The following KCNJ2 variants were observed in gnomAD, a reference collection of about 807,000 sequenced individuals.
The protein encoded by KCNJ2 is inward rectifier potassium channel 2.
Under a neutral mutation model 28.4 loss-of-function variants are expected in KCNJ2, and 12 were observed. The ratio of observed to expected loss-of-function variants is 0.42; its 90% confidence interval spans 0.27 to 0.68. The LOEUF (loss-of-function observed/expected upper bound fraction) is 0.68, where lower values mean the gene tolerates loss of function less well. Among genes scored for constraint, KCNJ2 ranks in the 30% least tolerant of loss-of-function variants. The pLI is 0.23. For synonymous variants in KCNJ2, 200 were observed against 203.2 expected (o/e 0.98, Z 0.13); for missense variants, 320 against 551.3 (o/e 0.58, Z 4.20).
In KCNJ2 at chr17:70,175,264, G is replaced by T. The variant is rs192172778; in HGVS notation, c.225G>T (p.Thr75=). 4.3e-6 allele frequency: 7 copies of T among 1,614,108 alleles called. No homozygotes were observed. Among genetic ancestry groups the T allele is most frequent in the Non-Finnish European group, 5.1e-6 (6 of 1,180,052 alleles). ...GGTACCTCGCAGACATCTTCACCAC[G>T]TGTGTGGACATTCGCTGGCGGTGGA... ...GQRYLADIFT[T]CVDIRWRWML... is the part of the protein sequence containing the mutation. Residue 75 remains threonine (T), a synonymous_variant, in exon 2 of 2, where the codon ACG becomes ACT. Transcript: ENST00000243457. This position sits in a 1 kb window ranked among gnomAD's most constrained non-coding sequence, Gnocchi z 8.3.
Position 70,176,682 on chromosome 17 carries a change from G to T in KCNJ2, c.*359G>T, listed in dbSNP as rs1017656309. The T allele has an allele frequency of 6.6e-6, 2 of 301,542 alleles. No homozygotes were observed. The highest frequency in any genetic ancestry group is 4.4e-5 in the African/African-American group (2 of 45,918). The allele number at this position is 301,542 out of a possible 1,614,324, so 18.7% of individuals were successfully genotyped here. A position where few individuals can be genotyped will look rare whatever the true frequency, so the allele number is the denominator to read the frequency against. On this transcript the variant is annotated 3_prime_UTR_variant, in exon 2 of 2. Transcript: ENST00000243457. ...GGATGTTTTTAATGGCATAACAAAGGCAAGACTCTGCCTTAATTTTTGAAA... is the reference window on the plus strand; with the variant it reads ...GGATGTTTTTAATGGCATAACAAAGTCAAGACTCTGCCTTAATTTTTGAAA...
At position 70,178,993 on chromosome 17, in the gene KCNJ2, C is replaced by T. The variant is rs1278311754; in HGVS notation, c.*2670C>T. On this transcript the variant is annotated 3_prime_UTR_variant, in exon 2 of 2. Transcript: ENST00000243457. Reference sequence around the variant, plus strand: ...TGCTATGTTCTTCTGTTATTTATTTCAGCATGGACTGTTCATTTGAAACCT... The same window carrying T: ...TGCTATGTTCTTCTGTTATTTATTTTAGCATGGACTGTTCATTTGAAACCT... 4 of 162,820 alleles carry T rather than the reference C, an allele frequency of 2.5e-5. No individual in the cohort carries two copies. The highest frequency in any genetic ancestry group is 6.8e-5 in the Admixed American group (1 of 14,766). The allele number at this position is 162,820 out of a possible 1,614,324, so 10.1% of individuals were successfully genotyped here.
rs1380485725 is a variant in KCNJ2 at position 70,176,475 on chromosome 17, T to A, written c.*152T>A. ...AAGCACAATGGTTTCAAAGAAAGAC[T>A]GTAAGCTCCATGATTAGCATAAAGC... On this transcript the variant is annotated 3_prime_UTR_variant, in exon 2 of 2. Transcript: ENST00000243457. 1 of 729,120 alleles carries A rather than the reference T, an allele frequency of 1.4e-6. No homozygotes were observed. Among genetic ancestry groups the A allele is most frequent in the Non-Finnish European group, 2.5e-6 (1 of 399,976 alleles). 45.2% of individuals were successfully genotyped at this position (729,120 alleles called of 1,614,324 possible).
chr17:70,177,340 C>T lies in KCNJ2; in HGVS notation c.*1017C>T, dbSNP rs2074400276. On this transcript the variant is annotated 3_prime_UTR_variant, in exon 2 of 2. Coordinates refer to ENST00000243457, the MANE Select transcript of KCNJ2 (RefSeq NM_000891.3). ...CCTGCTAGGCAGTGCTGGCCAGGCTCATGTGTAGTGTGCGAGATGGTGATG... is the reference window on the plus strand; with the variant it reads ...CCTGCTAGGCAGTGCTGGCCAGGCTTATGTGTAGTGTGCGAGATGGTGATG... 1.8e-5 allele frequency: 3 copies of T among 167,076 alleles called. 1 individual carries two copies. In the South Asian group the frequency reaches 6.2e-4, roughly 35 times the overall value. The allele number at this position is 167,076 out of a possible 1,614,324, so 10.3% of individuals were successfully genotyped here. A position where few individuals can be genotyped will look rare whatever the true frequency, so the allele number is the denominator to read the frequency against.
rs970506430 is a variant in KCNJ2, at chr17:70,178,362, G to A, written c.*2039G>A. ...GCAAGTGGTTGTTTTAGATCCAAAT[G>A]TAAAGGCAGGTTTGGGAAGGTGTTT... On this transcript the variant is annotated 3_prime_UTR_variant, in exon 2 of 2. Transcript: ENST00000243457. 1.2e-5 allele frequency: 2 copies of A among 167,030 alleles called. No individual in the cohort carries two copies. Among genetic ancestry groups the A allele is most frequent in the African/African-American group, 4.8e-5 (2 of 41,440 alleles). The allele number at this position is 167,030 out of a possible 1,614,324, so 10.3% of individuals were successfully genotyped here. A position where few individuals can be genotyped will look rare whatever the true frequency, so the allele number is the denominator to read the frequency against.
At chr17:70,172,729 A>G (rs1013998304) in intron 1 of KCNJ2, among the ~76,000 whole-genome samples, 1 of 152,224 alleles carries the variant, frequency 6.6e-6, no homozygotes, top group African/African-American at 2.4e-5. Context: ...GTGTCAGCTT[A>G]TAATACAAAG....
At position 70,176,090 on chromosome 17, in the gene KCNJ2, C is replaced by T. The variant is rs199473659; in HGVS notation, c.1051C>T (p.Pro351Ser). The T allele has an allele frequency of 6.2e-6, 10 of 1,614,008 alleles. No individual in the cohort carries two copies. The East Asian group carries it at 2.2e-4, about 36-fold the overall frequency. The change falls in exon 2 of 2, where the codon CCC (proline) becomes TCC (serine). Residue 351 changes from proline (P) to serine (S), a missense_variant. Physicochemically the swap from Pro to Ser is moderately conservative, Grantham distance 74. Around this residue, in one of 3 missense-constraint regions of KCNJ2, gnomAD observed 155 missense variants for 231.6 expected, o/e 0.67. Transcript: ENST00000243457. Reference protein sequence around the residue: ...YSRFHKTYEVPNTPLCSARDL... With the variant: ...YSRFHKTYEVSNTPLCSARDL... ...CAGGTTCCACAAAACTTACGAAGTC[C>T]CCAACACTCCCCTTTGTAGTGCCAG...
chr17:70,173,581 A>G (rs2074375814), intron 1 of KCNJ2, among the ~76,000 whole-genome samples: 1 of 152,214 alleles, frequency 6.6e-6, no homozygotes, highest in African/African-American at 2.4e-5. Flanking sequence ...GTGAAGATGG[A>G]AAGTTGAAGT....
Position 70,179,040 on chromosome 17 carries a change from A to G in KCNJ2, c.*2717A>G, listed in dbSNP as rs181911278. The G allele has an allele frequency of 6.9e-4, 102 of 148,834 alleles. No individual in the cohort carries two copies. The highest frequency in any genetic ancestry group is 2.6e-3 in the African/African-American group (95 of 37,218). 9.2% of individuals were successfully genotyped at this position (148,834 alleles called of 1,614,324 possible). A position where few individuals can be genotyped will look rare whatever the true frequency, so the allele number is the denominator to read the frequency against. On this transcript the variant is annotated 3_prime_UTR_variant, in exon 2 of 2. Coordinates refer to ENST00000243457, the MANE Select transcript of KCNJ2 (RefSeq NM_000891.3). ...ACCTTTTTCTAGTTATTAGCGTTTT[A>G]ACAGTTACAAGCTTTAAATGGCAAT...
Position 70,175,157 on chromosome 17 carries a change from C to A in KCNJ2, c.118C>A (p.Arg40=), listed in dbSNP as rs786205811. 5 of 1,614,000 alleles carry A rather than the reference C, an allele frequency of 3.1e-6. No individual in the cohort carries two copies. In the African/African-American group the frequency reaches 5.3e-5, roughly 17 times the overall value. ...FGNGKSKVHT[R]QQCRSRFVKK... ...GAACGGGAAGAGTAAAGTCCACACC[C>A]GACAACAGTGCAGGAGCCGCTTTGT... The change falls in exon 2 of 2, where the codon CGA becomes AGA. Residue 40 remains arginine, a synonymous_variant. Transcript: ENST00000243457. This position sits in a 1 kb window ranked among gnomAD's most constrained non-coding sequence, Gnocchi z 8.3.
In KCNJ2 at chr17:70,176,474, C is replaced by A; in HGVS notation, c.*151C>A. The A allele has an allele frequency of 1.4e-6, 1 of 728,862 alleles. No homozygotes were observed. Among genetic ancestry groups the A allele is most frequent in the Non-Finnish European group, 2.5e-6 (1 of 399,762 alleles). 45.1% of individuals were successfully genotyped at this position (728,862 alleles called of 1,614,324 possible). ...CAAGCACAATGGTTTCAAAGAAAGA[C>A]TGTAAGCTCCATGATTAGCATAAAG... On this transcript the variant is annotated 3_prime_UTR_variant, in exon 2 of 2. Coordinates refer to ENST00000243457, the MANE Select transcript of KCNJ2 (RefSeq NM_000891.3).
chr17:70,176,469 A>G lies in KCNJ2; in HGVS notation c.*146A>G. 1 of 741,258 alleles carries G rather than the reference A, an allele frequency of 1.3e-6. No individual in the cohort carries two copies. Among genetic ancestry groups the G allele is most frequent in the Non-Finnish European group, 2.4e-6 (1 of 409,170 alleles). The allele number at this position is 741,258 out of a possible 1,614,324, so 45.9% of individuals were successfully genotyped here. ...TGAGGCAAGCACAATGGTTTCAAAG[A>G]AAGACTGTAAGCTCCATGATTAGCA... On this transcript the variant is annotated 3_prime_UTR_variant, in exon 2 of 2. Transcript: ENST00000243457.
At chr17:70,174,770 A>C in intron 1 of KCNJ2, 54 bp from the exon 2 acceptor site, 2 of 518,732 alleles carry the variant, frequency 3.9e-6, no homozygotes, top group South Asian at 2.1e-5. Flanking sequence ...CTTAGACAGT[A>C]GAATTCTTTA....
At chr17:70,174,640 T>C (rs1423068897) in intron 1 of KCNJ2, among the ~76,000 whole-genome samples, 184 bp from the exon 2 acceptor site, 4 of 152,252 alleles carry the variant, frequency 2.6e-5, no homozygotes. Flanking sequence ...AACGACTTTA[T>C]GCTTTTAAAT....
At chr17:70,172,057 C>A (rs1333384692) in intron 1 of KCNJ2, among the ~76,000 whole-genome samples, 1 of 151,844 alleles carries the variant, frequency 6.6e-6, no homozygotes, top group African/African-American at 2.4e-5. Flanking sequence ...TTGGTAATTG[C>A]TAGTGAGAGG....
chr17:70,174,859 T>C lies in KCNJ2; in HGVS notation c.-181T>C, dbSNP rs2074382673. Reference sequence around the variant, plus strand: ...CTGGATGTCAGCTGAGTCATTAAAGTAACTCTGCATGTCAGTAGACAGACC... The same window carrying C: ...CTGGATGTCAGCTGAGTCATTAAAGCAACTCTGCATGTCAGTAGACAGACC... On this transcript the variant is annotated 5_prime_UTR_variant, in exon 2 of 2. The change abolishes the stop of an existing upstream ORF in the 5' untranslated region. Transcript: ENST00000243457. 4.5e-6 allele frequency: 3 copies of C among 666,252 alleles called. No homozygotes were observed. Among genetic ancestry groups the C allele is most frequent in the Admixed American group, 2.2e-5 (1 of 45,374 alleles). The allele number at this position is 666,252 out of a possible 1,614,324, so 41.3% of individuals were successfully genotyped here. A position where few individuals can be genotyped will look rare whatever the true frequency, so the allele number is the denominator to read the frequency against.
At position 70,175,032 on chromosome 17, in the gene KCNJ2, C is replaced by G. The variant is rs750250812; in HGVS notation, c.-8C>G. On this transcript the variant is annotated 5_prime_UTR_variant, in exon 2 of 2. Transcript: ENST00000243457. The surrounding 1 kb of genome is among the most constrained non-coding windows in gnomAD (Gnocchi z 8.3). Reference sequence around the variant, plus strand: ...AAAGCAGAAGCACTGGAGTCCCCAGCAGAAGCGATGGGCAGTGTGCGAACC... The same window carrying G: ...AAAGCAGAAGCACTGGAGTCCCCAGGAGAAGCGATGGGCAGTGTGCGAACC... 7 of 1,613,916 alleles carry G rather than the reference C, an allele frequency of 4.3e-6. No homozygotes were observed. Among genetic ancestry groups the G allele is most frequent in the Non-Finnish European group, 5.9e-6 (7 of 1,179,844 alleles).
chr17:70,171,419 C>T (rs1266612977), intron 1 of KCNJ2, among the ~76,000 whole-genome samples: 1 of 152,258 alleles, frequency 6.6e-6, no homozygotes, highest in East Asian at 1.9e-4. Context: ...TAGCAGACCT[C>T]TCTCTCAGCC....
In KCNJ2 at chr17:70,178,860, T is replaced by TG. The variant is rs1330742400; in HGVS notation, c.*2538dup. 8 of 167,008 alleles carry TG rather than the reference T, an allele frequency of 4.8e-5. No homozygotes were observed. The highest frequency in any genetic ancestry group is 1.9e-4 in the African/African-American group (8 of 41,458). 10.3% of individuals were successfully genotyped at this position (167,008 alleles called of 1,614,324 possible). On this transcript the variant is annotated 3_prime_UTR_variant, in exon 2 of 2. Transcript: ENST00000243457. ...ATAGAGGTCTGTAAAGAAAAATAAT[T>TG]GCCATAGAAAGTATAATTTCAGTGC... is the stretch of plus-strand genomic sequence containing the variant.
Sources: allele counts gnomAD v4.1 joint callset (sites outside exome capture counted in the v4.1 genomes callset), GRCh38; gene constraint gnomAD v4.1.1; regional missense constraint gnomAD v4.1.1; non-coding constraint Gnocchi (gnomAD v3.1); transcripts MANE v1.5; gene names NCBI Gene and HGNC (gene_info 2026-07-23, HGNC 2026-07-21).